Variants in RCC2 observed in about 807,000 individuals in gnomAD.
The protein encoded by RCC2 is protein RCC2.
RCC2 carries 19 observed loss-of-function variants against 64.1 expected under a neutral mutation model. The observed-to-expected ratio is 0.30, with a 90% confidence interval of 0.21 to 0.44. The LOEUF is 0.44. Ranked by LOEUF, RCC2 falls within the 20% of genes least tolerant of loss-of-function variation. RCC2 has a pLI of 1.00. For synonymous variants in RCC2, 325 were observed against 279.6 expected (o/e 1.16, Z -1.62); for missense variants, 508 against 710.4 (o/e 0.72, Z 3.24).
chr1:17,424,348 C>A (rs1204146442), intron 4 of RCC2, among the ~76,000 whole-genome samples: 1 of 152,168 alleles, frequency 6.6e-6, no homozygotes, highest in Admixed American at 6.5e-5. Flanking sequence ...TTCAGAGCCA[C>A]CACGCAAGTG....
intron 7 of RCC2, among the ~76,000 whole-genome samples, chr1:17,417,246 A>G (rs2075497525): frequency 6.6e-6 from 1 of 152,206 alleles, no homozygotes; most frequent in African/African-American, 2.4e-5. Flanking sequence ...AGCTCAGCAC[A>G]CCACACACCA....
intron 3 of RCC2, among the ~76,000 whole-genome samples, 157 bp from the exon 4 acceptor site, chr1:17,425,841 G>A (rs1349380141): frequency 6.6e-6 from 1 of 152,174 alleles, no homozygotes. Flanking sequence ...CACAAGGATC[G>A]GGTTTTCACT....
chr1:17,415,141 A>G (rs1250317943), intron 8 of RCC2, among the ~76,000 whole-genome samples: 1 of 152,248 alleles, frequency 6.6e-6, no homozygotes, highest in Non-Finnish European at 1.5e-5. Flanking sequence ...CCTAAACAAG[A>G]GCCAACTTTA....
At chr1:17,423,986 C>G (rs1322587767) in intron 4 of RCC2, among the ~76,000 whole-genome samples, 1 of 152,206 alleles carries the variant, frequency 6.6e-6, no homozygotes, top group African/African-American at 2.4e-5. Context: ...AGGGCCAGCA[C>G]TGGCACTCGA....
chr1:17,412,038 G>C, intron 11 of RCC2, 84 bp downstream of exon 11: 2 of 1,193,350 alleles, frequency 1.7e-6, no homozygotes, highest in Non-Finnish European at 1.2e-6. Context: ...TGTGTGTTTT[G>C]GGAGACAGGT....
chr1:17,421,371 T>C (rs1400540206), intron 6 of RCC2, among the ~76,000 whole-genome samples: 1 of 152,060 alleles, frequency 6.6e-6, no homozygotes, highest in Non-Finnish European at 1.5e-5. Flanking sequence ...GGAGCATGCC[T>C]GTAGTCCCAG....
rs1362989661 is a variant in RCC2 at position 17,425,632 on chromosome 1, G to A, written c.432C>T (p.Cys144=). The A allele has an allele frequency of 4.3e-6, 7 of 1,613,976 alleles. No homozygotes were observed. Among genetic ancestry groups the A allele is most frequent in the South Asian group, 1.1e-5 (1 of 91,072 alleles). The part of the protein sequence containing the change: ...QNLWGPHRYG[C]LAGVRVRTVV... ...CTGTCCGCACCCGGACCCCCGCCAGGCACCCATATCTGTGGGGCCCCCACA... is the reference window on the plus strand; with the variant it reads ...CTGTCCGCACCCGGACCCCCGCCAGACACCCATATCTGTGGGGCCCCCACA... The change falls in exon 4 of 13, where the codon TGC becomes TGT. Residue 144 remains cysteine, a synonymous_variant. Transcript: ENST00000375436.
At chr1:17,410,683 G>C (rs2075414942) in intron 11 of RCC2, among the ~76,000 whole-genome samples, 2 of 151,972 alleles carry the variant, frequency 1.3e-5, no homozygotes, top group Non-Finnish European at 2.9e-5. Context: ...GGCGGGAGAG[G>C]AGGACCCTCC....
rs2100404470 is a variant in RCC2 at position 17,438,352 on chromosome 1, C to T, written c.163G>A (p.Asp55Asn). The T allele has an allele frequency of 3.2e-6, 4 of 1,241,186 alleles. No individual in the cohort carries two copies. The highest frequency in any genetic ancestry group is 4.0e-6 in the Non-Finnish European group (4 of 993,372). The allele number at this position is 1,241,186 out of a possible 1,614,324, so 76.9% of individuals were successfully genotyped here. A position where few individuals can be genotyped will look rare whatever the true frequency, so the allele number is the denominator to read the frequency against. Residue 55 changes from aspartate to asparagine, a missense_variant, in exon 2 of 13, where the codon GAC becomes AAC. Asp to Asn is a conservative substitution (Grantham distance 23). Transcript: ENST00000375436. ...SSGGGSSGDE[D>N]GLELDGAPGG... is the part of the protein sequence containing the mutation. ...GGGGCCCCGTCGAGCTCCAGGCCGTCCTCGTCGCCGCTGCTGCCGCCGCCG... is the reference window on the plus strand; with the variant it reads ...GGGGCCCCGTCGAGCTCCAGGCCGTTCTCGTCGCCGCTGCTGCCGCCGCCG...
intron 2 of RCC2, among the ~76,000 whole-genome samples, chr1:17,429,603 G>A (rs574633543): frequency 2.0e-5 from 3 of 152,300 alleles, no homozygotes; most frequent in South Asian, 4.1e-4. Context: ...CACATGGCAA[G>A]CACGGCCTGC....
rs552632351 is a variant in RCC2, at chr1:17,407,183, T to C, written c.*1907A>G. On this transcript the variant is annotated 3_prime_UTR_variant, in exon 13 of 13. Coordinates refer to ENST00000375436, the MANE Select transcript of RCC2 (RefSeq NM_018715.4). ...GAAGAGGCTGGCTGCCACGTTTACA[T>C]GAGGCCACCGAAGATCTAAGTCCAG... The C allele has an allele frequency of 6.6e-6, 1 of 152,224 alleles. No individual in the cohort carries two copies. The highest frequency in any genetic ancestry group is 2.1e-4 in the South Asian group (1 of 4,814). 9.4% of individuals were successfully genotyped at this position (152,224 alleles called of 1,614,324 possible).
intron 5 of RCC2, 94 bp from the exon 6 acceptor site, chr1:17,422,385 T>C: frequency 8.4e-7 from 1 of 1,193,034 alleles, no homozygotes; most frequent in Non-Finnish European, 1.2e-6. Context: ...TAAAAACAGC[T>C]CATTTGCCAG....
At chr1:17,437,636 C>CG (rs974567401) in intron 2 of RCC2, among the ~76,000 whole-genome samples, 5 of 4,424 alleles carry the variant, frequency 1.1e-3, no homozygotes, top group African/African-American at 4.1e-3. Context: ...ACCGCTCAGC[C>CG]GGGGGGCTTC....
At chr1:17,420,664 T>C (rs763349645) in intron 7 of RCC2, 50 bp downstream of exon 7, 2 of 1,206,016 alleles carry the variant, frequency 1.7e-6, no homozygotes, top group Non-Finnish European at 2.4e-6. Flanking sequence ...TCTCTAGTTC[T>C]GAATATATAC....
At chr1:17,418,394 C>T (rs1449661107) in intron 7 of RCC2, among the ~76,000 whole-genome samples, 1 of 152,040 alleles carries the variant, frequency 6.6e-6, no homozygotes, top group Non-Finnish European at 1.5e-5. Context: ...CGCGGTGGCT[C>T]GCGCCTGTAA....
intron 2 of RCC2, among the ~76,000 whole-genome samples, chr1:17,437,686 GC>G (rs2075751545): frequency 6.8e-6 from 1 of 146,864 alleles, no homozygotes; most frequent in Non-Finnish European, 1.5e-5. Flanking sequence ...ATGCGCGGCG[GC>G]CGTCAGGCCC....
chr1:17,410,138 C>T (rs2075409401), intron 11 of RCC2, 87 bp from the exon 12 acceptor site: 1 of 1,217,288 alleles, frequency 8.2e-7, no homozygotes, highest in Admixed American at 1.9e-5. Context: ...TCCTGGCCCC[C>T]ACTAACCAGA....
At chr1:17,423,143 G>A (rs1465280950) in intron 4 of RCC2, among the ~76,000 whole-genome samples, 4 of 152,270 alleles carry the variant, frequency 2.6e-5, no homozygotes, top group Non-Finnish European at 5.9e-5. Flanking sequence ...ATGCACAGGC[G>A]GGCATGCTCG....
In RCC2 at chr1:17,438,536, C is replaced by A. The variant is rs752675417; in HGVS notation, c.-8-14G>T. ...GCATGGTCGCGGCTGGAGGGAGACA[C>A]GGGGCAGCGGCGCACAATGGACGGG... On this transcript the variant is annotated splice_polypyrimidine_tract_variant and intron_variant, in intron 1 of 12. Coordinates refer to ENST00000375436, the MANE Select transcript of RCC2 (RefSeq NM_018715.4). The A allele has an allele frequency of 1.5e-6, 2 of 1,311,806 alleles. No individual in the cohort carries two copies. The highest frequency in any genetic ancestry group is 9.7e-7 in the Non-Finnish European group (1 of 1,031,856). The allele number at this position is 1,311,806 out of a possible 1,614,324, so 81.3% of individuals were successfully genotyped here.
Sources: gnomAD v4.1 joint callset for allele counts (sites outside exome capture counted in the v4.1 genomes callset) on GRCh38, gnomAD v4.1.1 for gene constraint, MANE v1.5 for transcripts, NCBI Gene and HGNC (gene_info 2026-07-23, HGNC 2026-07-21) for gene names.